The following ATG4B variants were observed in gnomAD, a reference collection of about 807,000 sequenced individuals.
The protein encoded by ATG4B is autophagy related 4B cysteine peptidase, also known as cysteine protease ATG4B.
ATG4B carries 29 observed loss-of-function variants against 56.6 expected under a neutral mutation model. The observed-to-expected ratio is 0.51, with a 90% CI of 0.38 to 0.70. The LOEUF (loss-of-function observed/expected upper bound fraction) is 0.70, where lower values mean the gene tolerates loss of function less well. Ranked by LOEUF, ATG4B falls within the 30% of genes least tolerant of loss-of-function variation. The pLI, the probability that ATG4B is intolerant of heterozygous loss-of-function variation, is 0.00. For synonymous variants in ATG4B, 224 were observed against 206.1 expected (o/e 1.09, Z -0.74); for missense variants, 461 against 515.5 (o/e 0.89, Z 1.02).
chr2:241,657,768 C>T (rs1378958279), intron 6 of ATG4B, among the ~76,000 whole-genome samples: 1 of 152,234 alleles, frequency 6.6e-6, no homozygotes, highest in East Asian at 1.9e-4. Context: ...CTCTCTTTGT[C>T]ATCCTAGAGT....
chr2:241,666,243 G>A (rs991370459), intron 7 of ATG4B, among the ~76,000 whole-genome samples: 3 of 152,240 alleles, frequency 2.0e-5, no homozygotes, highest in Non-Finnish European at 4.4e-5. Flanking sequence ...GGTGTGTGTA[G>A]GCAGAAGGGG....
intron 1 of ATG4B, among the ~76,000 whole-genome samples, chr2:241,644,427 A>G (rs753762385): frequency 1.3e-5 from 2 of 152,168 alleles, no homozygotes; most frequent in Non-Finnish European, 2.9e-5. Flanking sequence ...TTAGTTTTGC[A>G]CCCATTGTGG....
At chr2:241,659,709 T>C (rs1035176611) in intron 7 of ATG4B, 4 of 217,974 alleles carry the variant, frequency 1.8e-5, no homozygotes, top group African/African-American at 9.2e-5. Flanking sequence ...AATGGGCTCA[T>C]TGAGTGAGTT....
chr2:241,638,610 TG>T (rs1476756997), intron 1 of ATG4B, among the ~76,000 whole-genome samples: 1 of 152,276 alleles, frequency 6.6e-6, no homozygotes, highest in Non-Finnish European at 1.5e-5. Context: ...TCTGTCATTC[TG>T]AATGGGATTG....
chr2:241,669,308 A>G (rs992235394), intron 10 of ATG4B, among the ~76,000 whole-genome samples: 1 of 152,240 alleles, frequency 6.6e-6, no homozygotes, highest in Non-Finnish European at 1.5e-5. Flanking sequence ...TGACATGCTC[A>G]GGGAAGCAGT....
intron 7 of ATG4B, among the ~76,000 whole-genome samples, chr2:241,663,378 C>T (rs945262553): frequency 3.9e-5 from 6 of 152,186 alleles, no homozygotes; most frequent in African/African-American, 1.4e-4. Context: ...TAGATTGTGA[C>T]AGCAGAGTGT....
At position 241,659,094 on chromosome 2, in the gene ATG4B, C is replaced by T. The variant is rs1285906914; in HGVS notation, c.459-14C>T. On this transcript the variant is annotated splice_polypyrimidine_tract_variant and intron_variant, in intron 6 of 12. Coordinates refer to ENST00000404914, the MANE Select transcript of ATG4B (RefSeq NM_013325.5). The stretch of plus-strand genomic sequence containing the variant: ...TTGTACAAAAGCTTATGGTCATTCT[C>T]CTACTCTCTGTAGGAAGCTTGCTGT... The T allele has an allele frequency of 1.3e-6, 2 of 1,589,296 alleles. No individual in the cohort carries two copies. Among genetic ancestry groups the T allele is most frequent in the East Asian group, 2.2e-5 (1 of 44,658 alleles).
At chr2:241,659,296 C>T (rs1380929423) in intron 7 of ATG4B, 109 bp downstream of exon 7, 5 of 979,154 alleles carry the variant, frequency 5.1e-6, no homozygotes, top group Non-Finnish European at 4.8e-6. Context: ...TCAGTCGCCC[C>T]ATGCCGTGCA....
intron 12 of ATG4B, chr2:241,671,609 C>G: frequency 1.3e-6 from 2 of 1,496,702 alleles, no homozygotes; most frequent in South Asian, 2.5e-5. Context: ...GGACCCACCT[C>G]GTCTTCCCCA....
chr2:241,645,055 G>A (rs976027695), intron 1 of ATG4B, among the ~76,000 whole-genome samples: 3 of 152,142 alleles, frequency 2.0e-5, no homozygotes, highest in African/African-American at 7.2e-5. Context: ...CCGTTCTGAT[G>A]CCTCAGTCCA....
intron 1 of ATG4B, among the ~76,000 whole-genome samples, chr2:241,650,143 G>A (rs2068186254): frequency 6.6e-6 from 1 of 152,228 alleles, no homozygotes; most frequent in African/African-American, 2.4e-5. Context: ...CATTAGCCCA[G>A]CAGGTAAGCA....
chr2:241,646,838 A>G (rs1160891185), intron 1 of ATG4B, among the ~76,000 whole-genome samples: 1 of 145,418 alleles, frequency 6.9e-6, no homozygotes, highest in East Asian at 2.0e-4. Flanking sequence ...GCTGGAATGC[A>G]GTGGCGCGAT....
In ATG4B at chr2:241,672,716, T is replaced by G; in HGVS notation, c.*452T>G. 5.5e-6 allele frequency: 1 copy of G among 181,288 alleles called. No homozygotes were observed. 11.2% of individuals were successfully genotyped at this position (181,288 alleles called of 1,614,324 possible). A position where few individuals can be genotyped will look rare whatever the true frequency, so the allele number is the denominator to read the frequency against. On this transcript the variant is annotated 3_prime_UTR_variant, in exon 13 of 13. Coordinates refer to ENST00000404914, the MANE Select transcript of ATG4B (RefSeq NM_013325.5). ...GGCGTGAGAGGAGCGGCAGCCACAC[T>G]GCGGCCCCACGCCCAAGGACTGGGC...
chr2:241,671,873 A>G (rs2068986301), intron 12 of ATG4B: 1 of 1,298,634 alleles, frequency 7.7e-7, no homozygotes, highest in Non-Finnish European at 9.8e-7. Context: ...TCCCTGTGGG[A>G]AACTCTACAA....
rs2068512513 is a variant in ATG4B, at chr2:241,659,199, A to T, written c.538+12A>T. On this transcript the variant is annotated intron_variant, in intron 7 of 12. Coordinates refer to ENST00000404914, the MANE Select transcript of ATG4B (RefSeq NM_013325.5). ...GATGGAGGAAATCAGTAAGTGGCTCAGAGTTTCCATGGACAAGAAAGTTGA... is the reference window on the plus strand; with the variant it reads ...GATGGAGGAAATCAGTAAGTGGCTCTGAGTTTCCATGGACAAGAAAGTTGA... The T allele has an allele frequency of 1.9e-6, 3 of 1,611,806 alleles. No homozygotes were observed. Among genetic ancestry groups the T allele is most frequent in the Admixed American group, 3.3e-5 (2 of 59,942 alleles).
intron 1 of ATG4B, 37 bp from the exon 2 acceptor site, chr2:241,650,973 T>G (rs1478431174): frequency 6.5e-7 from 1 of 1,538,944 alleles, no homozygotes; most frequent in Admixed American, 1.8e-5. Flanking sequence ...TATGAAATTA[T>G]AAGTGTCTGA....
chr2:241,668,509 A>G lies in ATG4B; in HGVS notation c.812-31A>G, dbSNP rs62190301. 0.23 allele frequency: 361,790 copies of G among 1,595,990 alleles called. 41,951 individuals are homozygous for G. Among genetic ancestry groups the G allele is most frequent in the East Asian group, 0.27 (11,767 of 44,126 alleles). ...GTCCCTTTCCTCTGCCGGCTCGGCCACCCACCTGCCCACCTGCCTCATCCT... is the reference window on the plus strand; with the variant it reads ...GTCCCTTTCCTCTGCCGGCTCGGCCGCCCACCTGCCCACCTGCCTCATCCT... On this transcript the variant is annotated intron_variant, in intron 9 of 12. Coordinates refer to ENST00000404914, the MANE Select transcript of ATG4B (RefSeq NM_013325.5). The surrounding 1 kb of genome is among the most constrained non-coding windows in gnomAD (Gnocchi z 4.2).
chr2:241,639,034 T>C (rs994856198), intron 1 of ATG4B, among the ~76,000 whole-genome samples: 1 of 152,182 alleles, frequency 6.6e-6, no homozygotes, highest in Non-Finnish European at 1.5e-5. Context: ...ATACCCCATC[T>C]ACTTGGTCCA....
intron 10 of ATG4B, among the ~76,000 whole-genome samples, chr2:241,669,569 A>G (rs6437277): frequency 0.84 from 128,155 of 152,158 alleles, 54,487 homozygotes; most frequent in African/African-American, 0.96. Flanking sequence ...GTGCAGTGGC[A>G]CGATCTCGGC....
Sources: allele counts gnomAD v4.1 joint callset (sites outside exome capture counted in the v4.1 genomes callset), GRCh38; gene constraint gnomAD v4.1.1; non-coding constraint Gnocchi (gnomAD v3.1); transcripts MANE v1.5; gene names NCBI Gene and HGNC (gene_info 2026-07-23, HGNC 2026-07-21).